The following COL9A1 variants were observed in gnomAD, a reference collection of about 807,000 sequenced individuals.
The protein encoded by COL9A1 is collagen type IX alpha 1 chain.
COL9A1 carries 104 observed loss-of-function variants against 142.6 expected under a neutral mutation model. The ratio of observed to expected loss-of-function variants is 0.73; its 90% CI spans 0.62 to 0.86. The LOEUF is 0.86. Ranked by LOEUF, COL9A1 falls within the 40% of genes least tolerant of loss-of-function variation. The pLI is 0.00. For synonymous variants in COL9A1, 466 were observed against 396.0 expected, an observed-to-expected ratio of 1.18 and a Z score of -2.10; for missense variants, 1,210 against 1,176.6, an observed-to-expected ratio of 1.03 and a Z score of -0.42.
At chr6:70,294,105 A>G in intron 5 of COL9A1, 62 bp downstream of exon 5, 1 of 1,590,162 alleles carries the variant, frequency 6.3e-7, no homozygotes, top group Admixed American at 1.7e-5. Flanking sequence ...GATGCTTGAG[A>G]TGTTCATTTT....
rs1769624305 is a variant in COL9A1, at chr6:70,232,632, A to G, written c.2454T>C (p.Leu818=). The G allele has an allele frequency of 6.2e-7, 1 of 1,613,978 alleles. No individual in the cohort carries two copies. Among genetic ancestry groups the G allele is most frequent in the Admixed American group, 1.7e-5 (1 of 60,010 alleles). Residue 818 remains leucine, a synonymous_variant, in exon 36 of 38, where the codon CTT becomes CTC. Coordinates refer to ENST00000357250, the MANE Select transcript of COL9A1 (RefSeq NM_001851.6). ...CACCAGGGGGCCCCTTAATGCCCGG[A>G]AGGCCACGAATTCCCATCTGGCCTG... The part of the protein sequence containing the change: ...GFPGQMGIRG[L]PGIKGPPGAL...
chr6:70,242,731 C>G lies in COL9A1; in HGVS notation c.1873-16G>C, dbSNP rs1770344577. 6.2e-7 allele frequency: 1 copy of G among 1,612,876 alleles called. No homozygotes were observed. Among genetic ancestry groups the G allele is most frequent in the Non-Finnish European group, 8.5e-7 (1 of 1,178,940 alleles). On this transcript the variant is annotated splice_polypyrimidine_tract_variant and intron_variant, in intron 28 of 37. Transcript: ENST00000357250. The stretch of plus-strand genomic sequence containing the variant: ...CTCTACTGCCCTGTAAAAACACAAA[C>G]ATTGTCAATTGGATATTTTGCCAAA...
In COL9A1 at chr6:70,253,378, A is replaced by G. The variant is rs776052393; in HGVS notation, c.1764+7T>C. On this transcript the variant is annotated splice_region_variant and intron_variant, in intron 26 of 37. Transcript: ENST00000357250. ...AAGATATTAACTTAAATTTTAAAAT[A>G]TTTTACCTTTTCACCAGCAACACCC... 10 of 1,577,084 alleles carry G rather than the reference A, an allele frequency of 6.3e-6. No individual in the cohort carries two copies. The highest frequency in any genetic ancestry group is 7.8e-6 in the Non-Finnish European group (9 of 1,148,854).
At chr6:70,230,993 C>G (rs940579334) in intron 36 of COL9A1, among the ~76,000 whole-genome samples, 5 of 152,264 alleles carry the variant, frequency 3.3e-5, no homozygotes, top group African/African-American at 1.2e-4. Context: ...TCTATAGGCC[C>G]TATAAGTCAT....
chr6:70,234,883 C>T lies in COL9A1; in HGVS notation c.2170G>A (p.Gly724Arg), dbSNP rs953644315. The T allele has an allele frequency of 1.2e-6, 2 of 1,614,094 alleles. No homozygotes were observed. Among genetic ancestry groups the T allele is most frequent in the Non-Finnish European group, 8.5e-7 (1 of 1,180,042 alleles). Residue 724 changes from glycine (G) to arginine (R), a missense_variant, in exon 34 of 38, where the codon GGA becomes AGA. Physicochemically the swap from Gly to Arg is moderately radical, Grantham distance 125. Coordinates refer to ENST00000357250, the MANE Select transcript of COL9A1 (RefSeq NM_001851.6). ...GGTGGTCCTCTTGGTCCTTCCACTC[C>T]AGGAAGCCCCCGACTTCCCTCAGGC... ...RGPEGSRGLP[G>R]VEGPRGPPGP... is the part of the protein sequence containing the mutation.
chr6:70,253,323 A>G, intron 26 of COL9A1, 62 bp downstream of exon 26: 1 of 1,103,914 alleles, frequency 9.1e-7, no homozygotes, highest in South Asian at 1.4e-5. Context: ...AAAATTACAA[A>G]TACGTTAGTA....
chr6:70,255,471 G>A (rs750748587), intron 21 of COL9A1, 81 bp from the exon 22 acceptor site: 97 of 1,195,934 alleles, frequency 8.1e-5, no homozygotes, highest in South Asian at 1.8e-4. Flanking sequence ...TATCATCCAC[G>A]TCACCAAACT....
intron 10 of COL9A1, among the ~76,000 whole-genome samples, chr6:70,278,209 G>C (rs1407206502): frequency 6.6e-6 from 1 of 152,102 alleles, no homozygotes; most frequent in Non-Finnish European, 1.5e-5. Context: ...GGTGACTTAG[G>C]TACTAAAAAT....
intron 15 of COL9A1, 132 bp downstream of exon 15, chr6:70,270,182 G>A: frequency 1.2e-6 from 1 of 840,060 alleles, no homozygotes; most frequent in Non-Finnish European, 2.0e-6. Context: ...TTGAGTGCAT[G>A]GAAAAATTGA....
Position 70,242,681 on chromosome 6 carries a change from G to T in COL9A1, c.1907C>A (p.Pro636Gln). Residue 636 changes from proline (P) to glutamine (Q), a missense_variant, in exon 29 of 38, where the codon CCA (proline) becomes CAA (glutamine). Transcript: ENST00000357250. ...ACTTACCAGTTTACCTGGTAGGCCT[G>T]GGGATCCCACTGGTCCTAATTCTCC... ...SRGELGPVGSPGLPGKLGSLG... is the reference protein window; with the variant it reads ...SRGELGPVGSQGLPGKLGSLG... 2 of 1,614,062 alleles carry T rather than the reference G, an allele frequency of 1.2e-6. No individual in the cohort carries two copies. Among genetic ancestry groups the T allele is most frequent in the Non-Finnish European group, 1.7e-6 (2 of 1,179,928 alleles).
chr6:70,296,372 C>G (rs1773850020), intron 4 of COL9A1, among the ~76,000 whole-genome samples: 1 of 151,942 alleles, frequency 6.6e-6, no homozygotes, highest in African/African-American at 2.4e-5. Flanking sequence ...AGTTCACTAC[C>G]TATGTTTTAT....
intron 10 of COL9A1, chr6:70,280,222 A>C (rs1773058452): frequency 9.7e-7 from 1 of 1,026,852 alleles, no homozygotes; most frequent in Admixed American, 3.6e-5. Flanking sequence ...CAGTAATGCC[A>C]GCCAGAAAAA....
intron 8 of COL9A1, 59 bp from the exon 9 acceptor site, chr6:70,281,098 A>C: frequency 7.0e-7 from 1 of 1,423,506 alleles, no homozygotes; most frequent in Non-Finnish European, 9.7e-7. Context: ...TGAGGACCCC[A>C]CTGGGACAAT....
At chr6:70,274,479 T>G (rs1410743437) in intron 11 of COL9A1, among the ~76,000 whole-genome samples, 1 of 152,188 alleles carries the variant, frequency 6.6e-6, no homozygotes, top group Non-Finnish European at 1.5e-5. Flanking sequence ...TTTCTGTTCC[T>G]GCGTTAGTTT....
At chr6:70,279,670 A>AAAAAAAAAAAAAAAAAAC (rs1554245283) in intron 10 of COL9A1, 2 of 172,210 alleles carry the variant, frequency 1.2e-5, no homozygotes, top group African/African-American at 5.2e-5. Context: ...AAAAAAAAAA[A>AAAAAAAAAAAAAAAAAAC]CACATACACA....
intron 36 of COL9A1, among the ~76,000 whole-genome samples, chr6:70,228,273 G>A (rs573393464): frequency 2.0e-5 from 3 of 152,166 alleles, no homozygotes; most frequent in Admixed American, 1.3e-4. Flanking sequence ...GGATTTAGCA[G>A]CCACAGAACA....
chr6:70,231,368 A>C (rs549826983), intron 36 of COL9A1, among the ~76,000 whole-genome samples: 1 of 152,330 alleles, frequency 6.6e-6, no homozygotes, highest in East Asian at 1.9e-4. Flanking sequence ...GAGCTCCTGA[A>C]CTAGTAAAGC....
intron 33 of COL9A1, among the ~76,000 whole-genome samples, chr6:70,235,889 C>T (rs12213613): frequency 0.36 from 54,681 of 151,732 alleles, 11,922 homozygotes; most frequent in Non-Finnish European, 0.5. Context: ...CCCAGGTGGG[C>T]GGATCACGAG....
chr6:70,255,292 G>A, intron 22 of COL9A1, 45 bp downstream of exon 22: 1 of 1,609,018 alleles, frequency 6.2e-7, no homozygotes, highest in South Asian at 1.1e-5. Flanking sequence ...ATCAGCAGAT[G>A]ACACTGAAAA....
Sources: allele counts gnomAD v4.1 joint callset (sites outside exome capture counted in the v4.1 genomes callset), GRCh38; gene constraint gnomAD v4.1.1; transcripts MANE v1.5; gene names NCBI Gene and HGNC (gene_info 2026-07-23, HGNC 2026-07-21).